Variants in SENP1 observed in about 807,000 individuals in gnomAD.
SENP1 encodes SUMO specific peptidase 1, also known as sentrin-specific protease 1.
A neutral mutation model predicts 93.0 loss-of-function variants in SENP1; 21 were observed. That is an observed-to-expected ratio of 0.23 (90% confidence interval 0.16 to 0.33). SENP1 has a LOEUF of 0.33. SENP1 is among the 10% of genes least tolerant of loss of function. The probability of loss-of-function intolerance (pLI) is 1.00; values close to 1 mark genes in which losing one functional copy is unlikely to be tolerated. For synonymous variants in SENP1, 256 were observed against 259.6 expected (o/e 0.99, Z 0.13); for missense variants, 591 against 758.7 (o/e 0.78, Z 2.60).
rs545950611 is a variant in SENP1, at chr12:48,043,611, A to G, written c.*1711T>C. 1 of 152,706 alleles carries G rather than the reference A, an allele frequency of 6.5e-6. No individual in the cohort carries two copies. Among genetic ancestry groups the G allele is most frequent in the East Asian group, 1.9e-4 (1 of 5,190 alleles). The allele number at this position is 152,706 out of a possible 1,614,324, so 9.5% of individuals were successfully genotyped here. A position where few individuals can be genotyped will look rare whatever the true frequency, so the allele number is the denominator to read the frequency against. ...CCTATAGAAAACTCAAAAACAAAGA[A>G]AAAGAAAGAAAAATAAAGAGAGATA... On this transcript the variant is annotated 3_prime_UTR_variant, in exon 18 of 18. Transcript: ENST00000549518.
chr12:48,062,896 T>C (rs1310367407), intron 13 of SENP1, among the ~76,000 whole-genome samples: 2 of 152,142 alleles, frequency 1.3e-5, no homozygotes, highest in Non-Finnish European at 2.9e-5. Context: ...AAACAGGATA[T>C]GGATATCTAA....
chr12:48,101,386 GA>G (rs1271139580), intron 2 of SENP1, 82 bp downstream of exon 2: 10 of 1,075,792 alleles, frequency 9.3e-6, no homozygotes, highest in Non-Finnish European at 1.4e-5. Context: ...TACAAATACT[GA>G]AAATGTTAGG....
At chr12:48,054,363 T>C (rs943006216) in intron 13 of SENP1, among the ~76,000 whole-genome samples, 14 of 152,226 alleles carry the variant, frequency 9.2e-5, no homozygotes, top group Non-Finnish European at 2.1e-4. Context: ...TTAAGAAATG[T>C]CTCTATTACT....
intron 4 of SENP1, chr12:48,089,268 T>C: frequency 7.2e-7 from 1 of 1,393,000 alleles, no homozygotes; most frequent in Non-Finnish European, 9.5e-7. Flanking sequence ...CCCAACTATA[T>C]CTTGCAAGCA....
In SENP1 at chr12:48,057,059, TA is replaced by T. The variant is rs1235232493; in HGVS notation, c.1407+6650del. Among the ~76,000 whole-genome samples, 7 of 54,660 alleles carry T rather than the reference TA, an allele frequency of 1.3e-4. 1 individual carries two copies. The highest frequency in any genetic ancestry group is 1.8e-4 in the Non-Finnish European group (7 of 38,118). 35.9% of individuals were successfully genotyped at this position (54,660 alleles called of 152,430 possible). ...TTTAATATATTATATATTACATATA[TA>T]AATATATTATTTAATATATTATATA... is the stretch of plus-strand genomic sequence containing the variant. On this transcript the variant is annotated intron_variant, in intron 13 of 17. Transcript: ENST00000549518.
intron 15 of SENP1, among the ~76,000 whole-genome samples, 191 bp downstream of exon 15, chr12:48,047,810 T>C (rs11168373): frequency 0.19 from 28,760 of 152,166 alleles, 3,303 homozygotes; most frequent in African/African-American, 0.32. Context: ...AGGATAGTAA[T>C]TGCTCCCATT....
At chr12:48,085,027 T>C in intron 5 of SENP1, 1 of 1,072,660 alleles carries the variant, frequency 9.3e-7, no homozygotes, top group Non-Finnish European at 1.3e-6. Context: ...GAGTGGCTTC[T>C]GGTGCTCTGG....
intron 13 of SENP1, among the ~76,000 whole-genome samples, chr12:48,053,834 A>G (rs953018936): frequency 6.6e-6 from 1 of 152,084 alleles, no homozygotes; most frequent in African/African-American, 2.4e-5. Context: ...TTGGCCTTTC[A>G]CTAGCTGGTG....
intron 13 of SENP1, chr12:48,055,245 T>C (rs1942143680): frequency 5.9e-6 from 1 of 170,178 alleles, no homozygotes; most frequent in African/African-American, 2.4e-5. Flanking sequence ...CAAACGGCGA[T>C]GTTCCCTTCA....
intron 1 of SENP1, among the ~76,000 whole-genome samples, chr12:48,103,927 T>C (rs756189292): frequency 6.6e-6 from 1 of 152,056 alleles, no homozygotes; most frequent in East Asian, 1.9e-4. Context: ...AAAATATATA[T>C]TGAGGCTGGG....
intron 2 of SENP1, among the ~76,000 whole-genome samples, chr12:48,099,908 G>T (rs187648403): frequency 2.6e-4 from 39 of 152,312 alleles, no homozygotes; most frequent in Non-Finnish European, 2.8e-4. Flanking sequence ...TATTATGGCA[G>T]AATTTTACTT....
At chr12:48,090,144 T>C (rs189807429) in intron 4 of SENP1, among the ~76,000 whole-genome samples, 1 of 152,372 alleles carries the variant, frequency 6.6e-6, no homozygotes, top group East Asian at 1.9e-4. Context: ...TTTGTTCCTT[T>C]GTAATCAGTA....
At chr12:48,091,413 G>A (rs1945217653) in intron 4 of SENP1, among the ~76,000 whole-genome samples, 1 of 151,140 alleles carries the variant, frequency 6.6e-6, no homozygotes, top group Admixed American at 6.6e-5. Flanking sequence ...TCGTGCCACT[G>A]CACTCCAGCC....
intron 4 of SENP1, among the ~76,000 whole-genome samples, chr12:48,093,662 A>AT (rs1346331605): frequency 6.6e-6 from 1 of 151,964 alleles, no homozygotes; most frequent in Non-Finnish European, 1.5e-5. Context: ...GGAATTGCAC[A>AT]TAAGGGACTG....
rs113169334 is a variant in SENP1, at chr12:48,075,289, T to C, written c.553-496A>G. ...GTGTGTAAAAGACAGGTTGAGTAAATACCAGATAATATACTTTGAAAAATT... is the reference window on the plus strand; with the variant it reads ...GTGTGTAAAAGACAGGTTGAGTAAACACCAGATAATATACTTTGAAAAATT... On this transcript the variant is annotated intron_variant, in intron 6 of 17. Transcript: ENST00000549518. Among the ~76,000 whole-genome samples, 1,498 of 152,044 alleles carry C rather than the reference T, an allele frequency of 9.9e-3. 29 individuals carry two copies. Among genetic ancestry groups the C allele is most frequent in the African/African-American group, 0.035 (1,436 of 41,448 alleles).
Position 48,044,840 on chromosome 12 carries a change from T to TTGTGTG in SENP1, c.*476_*481dup, listed in dbSNP as rs141876787. 6.4e-6 allele frequency: 1 copy of TTGTGTG among 155,374 alleles called. No individual in the cohort carries two copies. Among genetic ancestry groups the TTGTGTG allele is most frequent in the Non-Finnish European group, 1.4e-5 (1 of 69,938 alleles). The allele number at this position is 155,374 out of a possible 1,614,324, so 9.6% of individuals were successfully genotyped here. A position where few individuals can be genotyped will look rare whatever the true frequency, so the allele number is the denominator to read the frequency against. ...CATTCCTGACCATACATCGTGAAAATTGTGTGTGTGTGTGTGTTTGTGTGT... is the reference window on the plus strand; with the variant it reads ...CATTCCTGACCATACATCGTGAAAATTGTGTGTGTGTGTGTGTGTGTGTTTGTGTGT... On this transcript the variant is annotated 3_prime_UTR_variant, in exon 18 of 18. Coordinates refer to ENST00000549518, the MANE Select transcript of SENP1 (RefSeq NM_001267594.2).
Position 48,071,655 on chromosome 12 carries a change from T to G in SENP1, c.995+12A>C. On this transcript the variant is annotated intron_variant, in intron 9 of 17. Transcript: ENST00000549518. Reference sequence around the variant, plus strand: ...ATTAATTAATAAAGAACAAGCTTTTTCCAAAGTTTACCTGGGAGTTGGAGT... The same window carrying G: ...ATTAATTAATAAAGAACAAGCTTTTGCCAAAGTTTACCTGGGAGTTGGAGT... The G allele has an allele frequency of 6.3e-7, 1 of 1,576,596 alleles. No individual in the cohort carries two copies. The highest frequency in any genetic ancestry group is 8.7e-7 in the Non-Finnish European group (1 of 1,147,728).
At chr12:48,087,324 T>G (rs1944947183) in intron 5 of SENP1, among the ~76,000 whole-genome samples, 1 of 152,178 alleles carries the variant, frequency 6.6e-6, no homozygotes, top group South Asian at 2.1e-4. Flanking sequence ...CAATGTGATG[T>G]TTTTATTTTT....
intron 6 of SENP1, among the ~76,000 whole-genome samples, chr12:48,081,868 G>A (rs1489183985): frequency 1.3e-5 from 2 of 148,894 alleles, no homozygotes; most frequent in Non-Finnish European, 3.0e-5. Context: ...CCAGCCAAAT[G>A]TTTTAGATTC....
Sources: allele counts gnomAD v4.1 joint callset (sites outside exome capture counted in the v4.1 genomes callset), GRCh38; gene constraint gnomAD v4.1.1; transcripts MANE v1.5; gene names NCBI Gene and HGNC (gene_info 2026-07-23, HGNC 2026-07-21).